The following SEMA3A variants were observed in gnomAD, a reference collection of about 807,000 sequenced individuals.
SEMA3A encodes semaphorin 3A.
A neutral mutation model predicts 97.9 loss-of-function variants in SEMA3A; 29 were observed. That is an observed-to-expected ratio of 0.30 (90% CI 0.22 to 0.40). The LOEUF is 0.40. SEMA3A is among the 10% of genes least tolerant of loss of function. SEMA3A has a pLI of 1.00. For synonymous variants in SEMA3A, 321 were observed against 323.7 expected (o/e 0.99, Z 0.09); for missense variants, 763 against 951.3 (o/e 0.80, Z 2.60).
At chr7:83,962,566 C>G (rs1788514389) in intron 16 of SEMA3A, among the ~76,000 whole-genome samples, 2 of 152,182 alleles carry the variant, frequency 1.3e-5, no homozygotes, top group Middle Eastern at 6.8e-3. Context: ...TTTTATTAAT[C>G]AACTCAATAA....
chr7:84,085,015 C>CA (rs1320605632), intron 4 of SEMA3A, among the ~76,000 whole-genome samples: 2 of 152,028 alleles, frequency 1.3e-5, no homozygotes, highest in African/African-American at 2.4e-5. Context: ...TTGCTTAAGT[C>CA]AAAATCTCTG....
chr7:84,005,365 T>A lies in SEMA3A; in HGVS notation c.1334A>T (p.Gln445Leu). Residue 445 changes from glutamine (Q) to leucine (L), a missense_variant, in exon 11 of 17, where the codon CAG becomes CTG. By Grantham distance (113) the Gln-to-Leu change is moderately radical. This residue lies in a region of SEMA3A where 678 missense variants were observed against 881.3 expected (regional missense o/e 0.77). Coordinates refer to ENST00000265362, the MANE Select transcript of SEMA3A (RefSeq NM_006080.3). The stretch of plus-strand genomic sequence containing the variant: ...TGTTCCGATAAACATAACATCATAC[T>A]GTCCATCTTCTGCATCCACTCGGTC... ...VVDRVDAEDG[Q>L]YDVMFIGTDV... 6.2e-7 allele frequency: 1 copy of A among 1,613,466 alleles called. No individual in the cohort carries two copies. Among genetic ancestry groups the A allele is most frequent in the Non-Finnish European group, 8.5e-7 (1 of 1,179,508 alleles).
intron 1 of SEMA3A, among the ~76,000 whole-genome samples, chr7:84,478,523 A>G (rs1278466052): frequency 6.6e-6 from 1 of 152,184 alleles, no homozygotes; most frequent in East Asian, 1.9e-4. Context: ...ATATATTAAC[A>G]TGAAATTTTG....
At chr7:84,373,061 C>A (rs1312789709) in intron 1 of SEMA3A, among the ~76,000 whole-genome samples, 1 of 152,166 alleles carries the variant, frequency 6.6e-6, no homozygotes, top group East Asian at 1.9e-4. Context: ...AATGTACATA[C>A]CTGGGCTAAC....
chr7:84,114,704 C>T (rs2115958093), intron 3 of SEMA3A, among the ~76,000 whole-genome samples: 1 of 152,188 alleles, frequency 6.6e-6, no homozygotes, highest in Non-Finnish European at 1.5e-5. Flanking sequence ...TGAGATTGTT[C>T]CTGTCACTCA....
intron 6 of SEMA3A, among the ~76,000 whole-genome samples, chr7:84,032,652 A>G (rs188324077): frequency 6.6e-6 from 1 of 152,232 alleles, no homozygotes; most frequent in Admixed American, 6.5e-5. Context: ...CATTCTGTTT[A>G]ATCTGAAAGA....
chr7:84,397,460 T>C (rs1053152624), intron 1 of SEMA3A, among the ~76,000 whole-genome samples: 1 of 148,266 alleles, frequency 6.7e-6, no homozygotes, highest in African/African-American at 2.4e-5. Flanking sequence ...ATATAACGTA[T>C]ACATAATATG....
At chr7:84,450,275 G>T (rs1219327171) in intron 1 of SEMA3A, among the ~76,000 whole-genome samples, 1 of 151,856 alleles carries the variant, frequency 6.6e-6, no homozygotes, top group African/African-American at 2.4e-5. Context: ...ACAGACATCT[G>T]CAGGAGTATA....
chr7:84,005,243 G>C, intron 11 of SEMA3A, 96 bp downstream of exon 11: 2 of 861,436 alleles, frequency 2.3e-6, no homozygotes, highest in South Asian at 1.5e-5. Context: ...CTGCACAGAG[G>C]GTTGGCATCC....
At chr7:84,445,322 T>C (rs1278749179) in intron 1 of SEMA3A, among the ~76,000 whole-genome samples, 1 of 149,570 alleles carries the variant, frequency 6.7e-6, no homozygotes, top group African/African-American at 2.5e-5. Flanking sequence ...AAACCCTGTC[T>C]CTACTAAAAA....
chr7:84,245,578 G>T (rs1348340179), intron 3 of SEMA3A, among the ~76,000 whole-genome samples: 2 of 151,530 alleles, frequency 1.3e-5, no homozygotes, highest in East Asian at 2.0e-4. Flanking sequence ...CCCACCTTCT[G>T]CTTGTTAGTT....
At chr7:84,107,379 T>G (rs755280617) in intron 4 of SEMA3A, among the ~76,000 whole-genome samples, 3 of 152,200 alleles carry the variant, frequency 2.0e-5, no homozygotes, top group Non-Finnish European at 4.4e-5. Context: ...TTCCAGAATT[T>G]CATAGATTGA....
At chr7:84,209,452 C>G (rs1279919927) in intron 3 of SEMA3A, among the ~76,000 whole-genome samples, 1 of 152,162 alleles carries the variant, frequency 6.6e-6, no homozygotes, top group Non-Finnish European at 1.5e-5. Context: ...AGTTTGGGCA[C>G]TAACCAATTA....
At chr7:83,986,673 T>C (rs566973516) in intron 12 of SEMA3A, among the ~76,000 whole-genome samples, 2 of 152,238 alleles carry the variant, frequency 1.3e-5, no homozygotes, top group East Asian at 3.9e-4. Context: ...ACGATGGATC[T>C]TAAAAGACCT....
intron 5 of SEMA3A, among the ~76,000 whole-genome samples, chr7:84,056,911 C>T (rs955958213): frequency 2.6e-5 from 4 of 152,176 alleles, no homozygotes; most frequent in African/African-American, 9.7e-5. Context: ...AAGAATTACA[C>T]AAGCACCGAA....
intron 1 of SEMA3A, among the ~76,000 whole-genome samples, chr7:84,457,130 A>T (rs1159835170): frequency 1.3e-5 from 2 of 151,818 alleles, no homozygotes; most frequent in Non-Finnish European, 3.0e-5. Context: ...ATTAAAAAAA[A>T]ATCTGGTAAG....
intron 3 of SEMA3A, among the ~76,000 whole-genome samples, chr7:84,301,867 CT>C (rs1236468918): frequency 6.6e-6 from 1 of 152,116 alleles, no homozygotes; most frequent in Non-Finnish European, 1.5e-5. Flanking sequence ...TTTTGGAAAA[CT>C]GTCATTTCTT....
intron 12 of SEMA3A, among the ~76,000 whole-genome samples, chr7:83,998,207 T>A (rs1584526127): frequency 6.6e-6 from 1 of 152,140 alleles, no homozygotes; most frequent in Non-Finnish European, 1.5e-5. Context: ...CATTATGTGA[T>A]TTTGTCATTG....
chr7:84,420,773 G>A (rs893232473), intron 1 of SEMA3A, among the ~76,000 whole-genome samples: 9 of 151,984 alleles, frequency 5.9e-5, no homozygotes, highest in African/African-American at 2.2e-4. Flanking sequence ...TAGTTTATTT[G>A]CCTAGAGGTG....
Sources: gnomAD v4.1 joint callset for allele counts (sites outside exome capture counted in the v4.1 genomes callset) on GRCh38, gnomAD v4.1.1 for gene constraint, gnomAD v4.1.1 regional missense constraint, MANE v1.5 for transcripts, NCBI Gene and HGNC (gene_info 2026-07-23, HGNC 2026-07-21) for gene names.